Variants in KCNQ5 observed in about 807,000 individuals in gnomAD.
The protein encoded by KCNQ5 is potassium voltage-gated channel subfamily Q member 5, also known as potassium voltage-gated channel subfamily KQT member 5.
In KCNQ5, 30 loss-of-function variants were observed where a neutral mutation model predicts 98.2. The observed-to-expected ratio is 0.31, with a 90% CI of 0.23 to 0.41. KCNQ5 has a LOEUF of 0.41. KCNQ5 is among the 10% of genes least tolerant of loss of function. The probability of loss-of-function intolerance (pLI) is 1.00; values close to 1 mark genes in which losing one functional copy is unlikely to be tolerated. For missense variants in KCNQ5, 835 were observed against 1,182.5 expected (o/e 0.71, Z 4.31); for synonymous variants, 458 against 449.4 (o/e 1.02, Z -0.24).
At chr6:73,041,371 G>A (rs1771695061) in intron 2 of KCNQ5, among the ~76,000 whole-genome samples, 1 of 152,158 alleles carries the variant, frequency 6.6e-6, no homozygotes, top group Non-Finnish European at 1.5e-5. Flanking sequence ...TCTGGCAAAG[G>A]ATATGTGTGT....
intron 1 of KCNQ5, among the ~76,000 whole-genome samples, chr6:72,811,200 G>A (rs1217092837): frequency 1.3e-5 from 2 of 152,158 alleles, no homozygotes; most frequent in Non-Finnish European, 2.9e-5. Flanking sequence ...AACTCCCTGT[G>A]CTGGGTTTGC....
At chr6:72,722,286 T>A (rs1770010738) in intron 1 of KCNQ5, among the ~76,000 whole-genome samples, 2 of 152,234 alleles carry the variant, frequency 1.3e-5, no homozygotes, top group Non-Finnish European at 2.9e-5. Context: ...TCTATGACTT[T>A]TTCAAAGTTC....
At chr6:73,178,984 C>T (rs972572151) in intron 11 of KCNQ5, among the ~76,000 whole-genome samples, 3 of 152,130 alleles carry the variant, frequency 2.0e-5, no homozygotes, top group African/African-American at 7.2e-5. Context: ...TGATCAATTT[C>T]GAGTGAGGGC....
chr6:73,070,670 A>G (rs1176126980), intron 3 of KCNQ5, among the ~76,000 whole-genome samples: 1 of 152,212 alleles, frequency 6.6e-6, no homozygotes, highest in Non-Finnish European at 1.5e-5. Flanking sequence ...TGCAACTGAC[A>G]TAGAAAAAGA....
intron 3 of KCNQ5, among the ~76,000 whole-genome samples, chr6:73,059,726 A>G (rs79051277): frequency 2.0e-3 from 309 of 152,182 alleles, no homozygotes; most frequent in African/African-American, 7.0e-3. Context: ...GCAGAAGTTA[A>G]CGAAATGTAT....
chr6:72,790,109 T>A (rs1773958989), intron 1 of KCNQ5, among the ~76,000 whole-genome samples: 1 of 152,258 alleles, frequency 6.6e-6, no homozygotes, highest in African/African-American at 2.4e-5. Flanking sequence ...TTGTTTTAAA[T>A]ATTAACAATT....
rs1765881888 is a variant in KCNQ5 at position 73,198,782 on chromosome 6, G to A, written c.*3368G>A. ...ATCCATTTCAAGCTATCATTAAAGT[G>A]TAATTTCCTTTGCTCTCTTTTACTG... On this transcript the variant is annotated 3_prime_UTR_variant, in exon 14 of 14. Transcript: ENST00000370398. 1 of 152,314 alleles carries A rather than the reference G, an allele frequency of 6.6e-6. No homozygotes were observed. Among genetic ancestry groups the A allele is most frequent in the African/African-American group, 2.4e-5 (1 of 41,574 alleles). 9.4% of individuals were successfully genotyped at this position (152,314 alleles called of 1,614,324 possible).
At position 72,773,705 on chromosome 6, in the gene KCNQ5, C is replaced by G. The variant is rs1016767111; in HGVS notation, c.398+151118C>G. ...TTAGTTTGAAGCATTCTTTTCATAC[C>G]TGAAAACATATATTTTTTTAAATGG... On this transcript the variant is annotated intron_variant, in intron 1 of 13. Coordinates refer to ENST00000370398, the MANE Select transcript of KCNQ5 (RefSeq NM_019842.4). Among the ~76,000 whole-genome samples, 38 of 151,866 alleles carry G rather than the reference C, an allele frequency of 2.5e-4. 1 individual carries two copies. Among genetic ancestry groups the G allele is most frequent in the Admixed American group, 2.4e-3 (36 of 15,238 alleles).
chr6:72,973,691 C>T (rs1446599704), intron 1 of KCNQ5, among the ~76,000 whole-genome samples: 1 of 152,064 alleles, frequency 6.6e-6, no homozygotes, highest in Admixed American at 6.5e-5. Context: ...AGACAAAGAT[C>T]AAATACTCTT....
At chr6:73,099,146 A>G (rs535867832) in intron 5 of KCNQ5, among the ~76,000 whole-genome samples, 13 of 152,214 alleles carry the variant, frequency 8.5e-5, no homozygotes, top group African/African-American at 2.9e-4. Flanking sequence ...AAAAAAGCAT[A>G]CAATGGATAC....
intron 1 of KCNQ5, among the ~76,000 whole-genome samples, chr6:72,721,042 C>T (rs1289762272): frequency 6.6e-6 from 1 of 152,134 alleles, no homozygotes; most frequent in East Asian, 1.9e-4. Flanking sequence ...AATAGAGGTT[C>T]TATCATTTCC....
intron 1 of KCNQ5, among the ~76,000 whole-genome samples, chr6:72,851,955 G>A (rs1324742516): frequency 6.6e-6 from 1 of 151,924 alleles, no homozygotes; most frequent in African/African-American, 2.4e-5. Flanking sequence ...TGTAAAAATA[G>A]GTAGCTAGAG....
chr6:72,800,887 A>C (rs1370699445), intron 1 of KCNQ5, among the ~76,000 whole-genome samples: 1 of 152,048 alleles, frequency 6.6e-6, no homozygotes, highest in Non-Finnish European at 1.5e-5. Flanking sequence ...TTATGTACCC[A>C]GTAGTCATTC....
intron 1 of KCNQ5, among the ~76,000 whole-genome samples, chr6:72,757,104 G>A (rs989946928): frequency 6.6e-6 from 1 of 152,050 alleles, no homozygotes; most frequent in Admixed American, 6.6e-5. Flanking sequence ...ATCAAATATT[G>A]TGAAGAAATT....
intron 2 of KCNQ5, among the ~76,000 whole-genome samples, chr6:73,007,398 C>T (rs1769861948): frequency 6.6e-6 from 1 of 152,088 alleles, no homozygotes; most frequent in Non-Finnish European, 1.5e-5. Context: ...CCTTAGTTGT[C>T]TTATCTGTTA....
chr6:73,192,706 C>A lies in KCNQ5; in HGVS notation c.1836+15C>A. The A allele has an allele frequency of 6.5e-7, 1 of 1,540,450 alleles. No individual in the cohort carries two copies. Among genetic ancestry groups the A allele is most frequent in the Non-Finnish European group, 8.7e-7 (1 of 1,144,830 alleles). On this transcript the variant is annotated intron_variant, in intron 13 of 13. Transcript: ENST00000370398. ...TTGAAAAACAGGTACAACTCAACTA[C>A]GCTGGGTATCTTTTTAGCCAGAATT...
chr6:72,859,139 C>T (rs1006058672), intron 1 of KCNQ5, among the ~76,000 whole-genome samples: 8 of 152,246 alleles, frequency 5.3e-5, no homozygotes, highest in African/African-American at 1.9e-4. Context: ...CTTTCAAAAA[C>T]TCCAAGGCTC....
intron 1 of KCNQ5, among the ~76,000 whole-genome samples, chr6:72,925,045 T>C (rs539345909): frequency 3.0e-4 from 45 of 152,348 alleles, no homozygotes; most frequent in African/African-American, 1.1e-3. Context: ...AAAATGTTTA[T>C]GTTTATTTGA....
chr6:73,015,224 T>C (rs1259512421), intron 2 of KCNQ5, among the ~76,000 whole-genome samples: 1 of 152,196 alleles, frequency 6.6e-6, no homozygotes, highest in East Asian at 1.9e-4. Flanking sequence ...AATATCCCAA[T>C]GAACATTGAA....
Sources: gnomAD v4.1 joint callset for allele counts (sites outside exome capture counted in the v4.1 genomes callset) on GRCh38, gnomAD v4.1.1 for gene constraint, MANE v1.5 for transcripts, NCBI Gene and HGNC (gene_info 2026-07-23, HGNC 2026-07-21) for gene names.